The following FSTL5 variants were observed in gnomAD, a reference collection of about 807,000 sequenced individuals.
FSTL5 encodes the protein follistatin-related protein 5.
In FSTL5, 62 loss-of-function variants were observed where a neutral mutation model predicts 89.1. That is an observed-to-expected ratio of 0.70 (90% CI 0.57 to 0.86). FSTL5 has a LOEUF of 0.86. Among genes scored for constraint, FSTL5 ranks in the 40% least tolerant of loss-of-function variants. The pLI, the probability that FSTL5 is intolerant of heterozygous loss-of-function variation, is 0.00. For synonymous variants in FSTL5, 383 were observed against 346.2 expected (o/e 1.11, Z -1.18); for missense variants, 1,057 against 1,001.6 (o/e 1.06, Z -0.75).
intron 15 of FSTL5, among the ~76,000 whole-genome samples, chr4:161,438,717 G>C (rs929877372): frequency 2.1e-4 from 32 of 151,914 alleles, no homozygotes; most frequent in Admixed American, 6.6e-5. Context: ...TTAAATTGAT[G>C]AATCAAATGT....
rs1261167252 is a variant in FSTL5, at chr4:161,489,216, G to A, written c.1459-8047C>T. On this transcript the variant is annotated intron_variant, in intron 12 of 15. Coordinates refer to ENST00000306100, the MANE Select transcript of FSTL5 (RefSeq NM_020116.5). ...TGCAGGACTAGATGATTGCTTTCCT[G>A]GCTTTTACAGTTACTGTAAAGGAGC... is the stretch of plus-strand genomic sequence containing the variant. Among the ~76,000 whole-genome samples the A allele has an allele frequency of 3.9e-5, 6 of 152,026 alleles. No homozygotes were observed. In the South Asian group the frequency reaches 1.2e-3, roughly 32 times the overall value.
chr4:161,962,180 A>G (rs1384048419), intron 3 of FSTL5, among the ~76,000 whole-genome samples: 3 of 152,028 alleles, frequency 2.0e-5, no homozygotes, highest in Admixed American at 6.6e-5. Context: ...ACATTTAATA[A>G]TTATTCCTAG....
At chr4:161,651,436 G>T (rs997278680) in intron 7 of FSTL5, among the ~76,000 whole-genome samples, 3 of 151,356 alleles carry the variant, frequency 2.0e-5, no homozygotes, top group Admixed American at 6.6e-5. Flanking sequence ...ATCTTTCTTG[G>T]TACTATATGT....
chr4:161,915,000 T>A lies in FSTL5; in HGVS notation c.409+5404A>T, dbSNP rs970046557. ...AAATGTATTAAGAAACATAGGCAAG[T>A]GAGATATTACAATATTGTAGCCTTA... On this transcript the variant is annotated intron_variant, in intron 4 of 15. Coordinates refer to ENST00000306100, the MANE Select transcript of FSTL5 (RefSeq NM_020116.5). Among the ~76,000 whole-genome samples, 11 of 152,232 alleles carry A rather than the reference T, an allele frequency of 7.2e-5. No homozygotes were observed. In the South Asian group the frequency reaches 2.1e-3, roughly 29 times the overall value.
intron 3 of FSTL5, among the ~76,000 whole-genome samples, chr4:161,996,163 C>A (rs1176765678): frequency 6.6e-6 from 1 of 152,128 alleles, no homozygotes; most frequent in Non-Finnish European, 1.5e-5. Context: ...ACAACAAGAA[C>A]TGAAATTCAA....
intron 11 of FSTL5, among the ~76,000 whole-genome samples, chr4:161,507,661 G>A (rs1248347775): frequency 4.6e-5 from 7 of 151,960 alleles, no homozygotes; most frequent in South Asian, 2.1e-4. Flanking sequence ...AAAGCTGAAA[G>A]TGGAGCCCAG....
chr4:161,435,046 A>G (rs942111158), intron 15 of FSTL5, among the ~76,000 whole-genome samples: 2 of 152,224 alleles, frequency 1.3e-5, no homozygotes, highest in East Asian at 3.9e-4. Flanking sequence ...TAGAGTTACC[A>G]TATTATCCAG....
chr4:161,668,259 G>C (rs572605209), intron 6 of FSTL5, among the ~76,000 whole-genome samples: 1 of 152,240 alleles, frequency 6.6e-6, no homozygotes, highest in African/African-American at 2.4e-5. Context: ...CCACAAATTT[G>C]ATAACCTAGG....
chr4:162,153,925 C>T (rs1366999495), intron 1 of FSTL5, among the ~76,000 whole-genome samples: 1 of 151,200 alleles, frequency 6.6e-6, no homozygotes, highest in Admixed American at 6.6e-5. Flanking sequence ...CCTGTCTGAT[C>T]CTCCCGAGTA....
At chr4:161,944,877 TATA>T (rs1734694281) in intron 3 of FSTL5, among the ~76,000 whole-genome samples, 1 of 151,576 alleles carries the variant, frequency 6.6e-6, no homozygotes, top group South Asian at 2.1e-4. Flanking sequence ...TATATTAAAA[TATA>T]ATAATTTAGG....
At chr4:162,124,894 G>A (rs540822938) in intron 1 of FSTL5, among the ~76,000 whole-genome samples, 2 of 152,240 alleles carry the variant, frequency 1.3e-5, no homozygotes, top group East Asian at 3.9e-4. Flanking sequence ...CAGTAGAGAC[G>A]GGTTTTCACC....
chr4:161,882,861 A>G (rs1053716771), intron 4 of FSTL5, among the ~76,000 whole-genome samples: 2 of 152,138 alleles, frequency 1.3e-5, no homozygotes, highest in African/African-American at 4.8e-5. Flanking sequence ...TAGCAGTAGC[A>G]TTCTCTGGTG....
intron 8 of FSTL5, among the ~76,000 whole-genome samples, chr4:161,563,425 G>T (rs1732675916): frequency 6.6e-6 from 1 of 151,820 alleles, no homozygotes; most frequent in South Asian, 2.1e-4. Context: ...TAGTGAATAG[G>T]GCTCCAAATT....
At chr4:161,752,047 T>C (rs1202719120) in intron 6 of FSTL5, among the ~76,000 whole-genome samples, 14 of 152,184 alleles carry the variant, frequency 9.2e-5, no homozygotes, top group Non-Finnish European at 1.5e-5. Context: ...CAGAGATAAT[T>C]CATGAGCTCT....
At chr4:161,692,972 T>C (rs1001980725) in intron 6 of FSTL5, among the ~76,000 whole-genome samples, 6 of 152,150 alleles carry the variant, frequency 3.9e-5, no homozygotes, top group African/African-American at 1.4e-4. Flanking sequence ...TCTGCCTGCC[T>C]TGTCCTCCCA....
chr4:162,064,266 T>A (rs1738816286), intron 2 of FSTL5, among the ~76,000 whole-genome samples: 1 of 152,046 alleles, frequency 6.6e-6, no homozygotes, highest in South Asian at 2.1e-4. Flanking sequence ...GATATTTTGC[T>A]AACTGCATCT....
intron 8 of FSTL5, among the ~76,000 whole-genome samples, chr4:161,583,885 A>T (rs1414228539): frequency 6.6e-6 from 1 of 152,158 alleles, no homozygotes; most frequent in Non-Finnish European, 1.5e-5. Flanking sequence ...TTTTCATGTC[A>T]CATTTATCAT....
At position 161,902,290 on chromosome 4, in the gene FSTL5, T is replaced by A. The variant is rs1175466085; in HGVS notation, c.409+18114A>T. ...AATTCACTGAGTTGAAAATAGAGAA[T>A]CCCACTGACATGATTTTAAGTAGTA... On this transcript the variant is annotated intron_variant, in intron 4 of 15. Coordinates refer to ENST00000306100, the MANE Select transcript of FSTL5 (RefSeq NM_020116.5). 2.6e-5 allele frequency among the ~76,000 whole-genome samples: 4 copies of A among 152,186 alleles called. No homozygotes were observed. In the East Asian group the frequency reaches 7.7e-4, roughly 29 times the overall value.
intron 4 of FSTL5, among the ~76,000 whole-genome samples, chr4:161,801,408 A>G (rs1450172748): frequency 1.3e-5 from 2 of 151,482 alleles, no homozygotes; most frequent in Non-Finnish European, 3.0e-5. Context: ...TCTCAGCTTT[A>G]TGCCTTCATG....
Sources: allele counts gnomAD v4.1 joint callset (sites outside exome capture counted in the v4.1 genomes callset), GRCh38; gene constraint gnomAD v4.1.1; transcripts MANE v1.5; gene names NCBI Gene and HGNC (gene_info 2026-07-23, HGNC 2026-07-21).